The following NCAPD2 variants were observed in gnomAD, a reference collection of about 807,000 sequenced individuals.
NCAPD2 encodes the protein condensin complex subunit 1.
In NCAPD2, 100 loss-of-function variants were observed where a neutral mutation model predicts 164.5. The observed-to-expected ratio is 0.61, with a 90% CI of 0.52 to 0.72. The LOEUF is 0.72. NCAPD2 is among the 30% of genes least tolerant of loss of function. NCAPD2 has a pLI of 0.00. For synonymous variants in NCAPD2, 585 were observed against 642.6 expected (o/e 0.91, Z 1.36); for missense variants, 1,560 against 1,749.2 (o/e 0.89, Z 1.93).
chr12:6,514,999 C>A, intron 9 of NCAPD2, 79 bp downstream of exon 9: 2 of 1,472,342 alleles, frequency 1.4e-6, no homozygotes, highest in Non-Finnish European at 1.9e-6. Context: ...CTTAACAGAA[C>A]AAGAAAGTAG....
intron 22 of NCAPD2, among the ~76,000 whole-genome samples, chr12:6,527,474 G>T (rs1239202856): frequency 6.6e-6 from 1 of 152,220 alleles, no homozygotes; most frequent in Admixed American, 6.5e-5. Flanking sequence ...CTGGAGAAAA[G>T]TCTGACCTCT....
chr12:6,529,473 G>GC, intron 27 of NCAPD2, 40 bp from the exon 28 acceptor site: 1 of 1,576,800 alleles, frequency 6.3e-7, no homozygotes. Context: ...GGCAGAGCTG[G>GC]CCCTGGGCCA....
At chr12:6,512,036 C>CT (rs1313919246) in intron 6 of NCAPD2, among the ~76,000 whole-genome samples, 6 of 151,600 alleles carry the variant, frequency 4.0e-5, no homozygotes, top group Non-Finnish European at 7.4e-5. Flanking sequence ...AATCCCAGCA[C>CT]TTTGGGAGGC....
chr12:6,504,386 T>A (rs1946079645), intron 2 of NCAPD2, among the ~76,000 whole-genome samples: 1 of 151,354 alleles, frequency 6.6e-6, no homozygotes. Flanking sequence ...ACATAACAGT[T>A]TTTTTATTTT....
At chr12:6,504,684 G>T (rs563751943) in intron 2 of NCAPD2, among the ~76,000 whole-genome samples, 6 of 151,952 alleles carry the variant, frequency 3.9e-5, no homozygotes, top group Non-Finnish European at 8.8e-5. Flanking sequence ...GAGCCACCGC[G>T]TCGAGCCTTA....
intron 2 of NCAPD2, among the ~76,000 whole-genome samples, chr12:6,498,230 T>G (rs1384155078): frequency 1.3e-5 from 2 of 152,088 alleles, no homozygotes; most frequent in African/African-American, 2.4e-5. Context: ...TTAAAACAAT[T>G]GCATTGCTTT....
At chr12:6,505,280 G>A (rs1217559385) in intron 2 of NCAPD2, among the ~76,000 whole-genome samples, 1 of 152,136 alleles carries the variant, frequency 6.6e-6, no homozygotes, top group Non-Finnish European at 1.5e-5. Flanking sequence ...TGGTCAGGCT[G>A]GTCTCGAGCT....
chr12:6,511,039 A>C, intron 5 of NCAPD2, 71 bp from the exon 6 acceptor site: 2 of 1,522,318 alleles, frequency 1.3e-6, no homozygotes, highest in Middle Eastern at 3.5e-4. Flanking sequence ...TTGTTTGGGC[A>C]CTCAGACTGA....
In NCAPD2 at chr12:6,518,520, T is replaced by TTTTTTTTTTTTTTTG. The variant is rs1565544198; in HGVS notation, c.1589+562_1589+576dup. On this transcript the variant is annotated intron_variant, in intron 13 of 31. Transcript: ENST00000315579. Reference sequence around the variant, plus strand: ...CGTCAACAAGTTTTTTTTTTTTTTTTTTTTTTTTTTTTTTGAGATGGAGTC... The same window carrying TTTTTTTTTTTTTTTG: ...CGTCAACAAGTTTTTTTTTTTTTTTTTTTTTTTTTTTTTTGTTTTTTTTTTTTTTGAGATGGAGTC... 1.4e-3 allele frequency among the ~76,000 whole-genome samples: 165 copies of TTTTTTTTTTTTTTTG among 114,006 alleles called. 10 individuals are homozygous for TTTTTTTTTTTTTTTG. The highest frequency in any genetic ancestry group is 6.2e-3 in the African/African-American group (163 of 26,250). The allele number at this position is 114,006 out of a possible 152,430, so 74.8% of individuals were successfully genotyped here.
At chr12:6,497,681 G>A (rs925994017) in intron 2 of NCAPD2, among the ~76,000 whole-genome samples, 14 of 149,026 alleles carry the variant, frequency 9.4e-5, no homozygotes, top group African/African-American at 3.2e-4. Flanking sequence ...GTGCAGTGGC[G>A]CAATCTCAGC....
chr12:6,526,311 C>G lies in NCAPD2; in HGVS notation c.2506C>G (p.Pro836Ala), dbSNP rs201468201. 12 of 1,614,216 alleles carry G rather than the reference C, an allele frequency of 7.4e-6. No individual in the cohort carries two copies. Among genetic ancestry groups the G allele is most frequent in the Admixed American group, 1.7e-5 (1 of 60,022 alleles). The stretch of plus-strand genomic sequence containing the variant: ...GCCTTCTCTGGGCAAACGTCACCCC[C>G]CCTTCCGGCTGCCTCAGGAACACAG... ...RKPSLGKRHP[P>A]FRLPQEHRLF... Residue 836 changes from proline (P) to alanine (A), a missense_variant, in exon 20 of 32, where the codon CCC becomes GCC. Coordinates refer to ENST00000315579, the MANE Select transcript of NCAPD2 (RefSeq NM_014865.4).
rs553681205 is a variant in NCAPD2, at chr12:6,506,681, A to T, written c.128-3036A>T. ...AATTTTATGCGTTCATGACATATGTAGCTTTAAAAAAAAATTAGCCAGATA... is the reference window on the plus strand; with the variant it reads ...AATTTTATGCGTTCATGACATATGTTGCTTTAAAAAAAAATTAGCCAGATA... On this transcript the variant is annotated intron_variant, in intron 2 of 31. Coordinates refer to ENST00000315579, the MANE Select transcript of NCAPD2 (RefSeq NM_014865.4). Among the ~76,000 whole-genome samples the T allele has an allele frequency of 2.0e-5, 3 of 152,212 alleles. No individual in the cohort carries two copies. The South Asian group carries it at 6.2e-4, about 32-fold the overall frequency.
intron 9 of NCAPD2, among the ~76,000 whole-genome samples, chr12:6,515,134 G>T (rs1439244571): frequency 6.6e-6 from 1 of 151,938 alleles, no homozygotes; most frequent in Admixed American, 6.6e-5. Flanking sequence ...CTTTTATCCA[G>T]TTCTGGTAAG....
In NCAPD2 at chr12:6,531,249, C is replaced by T. The variant is rs377050147; in HGVS notation, c.4121-78C>T. ...TTTCTTCTGTGCGGTGTGGGATTGT[C>T]TCACTTGTTCTCTGATATCTATTTT... On this transcript the variant is annotated intron_variant, in intron 31 of 31. Coordinates refer to ENST00000315579, the MANE Select transcript of NCAPD2 (RefSeq NM_014865.4). This position sits in a 1 kb window ranked among gnomAD's most constrained non-coding sequence, Gnocchi z 4.1. 2.0e-5 allele frequency: 30 copies of T among 1,511,348 alleles called. No individual in the cohort carries two copies. In the East Asian group the frequency reaches 2.9e-4, roughly 15 times the overall value. 93.6% of individuals were successfully genotyped at this position (1,511,348 alleles called of 1,614,324 possible).
In NCAPD2 at chr12:6,527,219, C is replaced by T. The variant is rs565984437; in HGVS notation, c.2907+156C>T. Among the ~76,000 whole-genome samples the T allele has an allele frequency of 1.5e-4, 23 of 152,330 alleles. No homozygotes were observed. The South Asian group carries it at 4.6e-3, about 30-fold the overall frequency. ...CTACCGTAGGAAAGGTTCGTGTGAA[C>T]AATGACGAAACTGTCAGTGATCACC... On this transcript the variant is annotated intron_variant, in intron 22 of 31. Transcript: ENST00000315579.
At chr12:6,523,112 A>AT in intron 16 of NCAPD2, 110 bp downstream of exon 16, 1 of 1,475,160 alleles carries the variant, frequency 6.8e-7, no homozygotes, top group Non-Finnish European at 9.3e-7. Context: ...TTCCAGATCC[A>AT]TAGGCAGTCC....
At chr12:6,521,685 CAAAAG>C in intron 14 of NCAPD2, 108 bp from the exon 15 acceptor site, 1 of 1,379,724 alleles carries the variant, frequency 7.2e-7, no homozygotes, top group South Asian at 1.4e-5. Context: ...GACCCCATCT[CAAAAG>C]AAAAGAAGAA....
intron 2 of NCAPD2, among the ~76,000 whole-genome samples, chr12:6,496,133 C>T (rs147714617): frequency 0.028 from 4,277 of 150,914 alleles, 77 homozygotes; most frequent in Middle Eastern, 0.048. Context: ...TATCGGCTCA[C>T]CACAACCTCT....
intron 5 of NCAPD2, 70 bp downstream of exon 5, chr12:6,510,880 A>G: frequency 6.6e-7 from 1 of 1,520,000 alleles, no homozygotes; most frequent in Non-Finnish European, 9.0e-7. Context: ...AAAAGAAGGG[A>G]ATCCAATGAT....
Sources: gnomAD v4.1 joint callset for allele counts (sites outside exome capture counted in the v4.1 genomes callset) on GRCh38, gnomAD v4.1.1 for gene constraint, Gnocchi (gnomAD v3.1) non-coding constraint, MANE v1.5 for transcripts, NCBI Gene and HGNC (gene_info 2026-07-23, HGNC 2026-07-21) for gene names.